PMM2: variants seen among roughly 807,000 people sequenced by gnomAD.
PMM2 encodes the protein mannose-6-phosphate isomerase.
In PMM2, 35 loss-of-function variants were observed where a neutral mutation model predicts 33.2. That is an observed-to-expected ratio of 1.06 (90% confidence interval 0.81 to 1.40). The LOEUF (loss-of-function observed/expected upper bound fraction) is 1.40, where lower values mean the gene tolerates loss of function less well. PMM2 is among the 40% of genes most tolerant of loss of function. The pLI, the probability that PMM2 is intolerant of heterozygous loss-of-function variation, is 0.00. For missense variants in PMM2, 386 were observed against 306.0 expected (o/e 1.26, Z -1.95); for synonymous variants, 153 against 114.7 (o/e 1.33, Z -2.13).
chr16:8,829,917 A>G (rs1395129131), intron 7 of PMM2, among the ~76,000 whole-genome samples: 3 of 152,236 alleles, frequency 2.0e-5, no homozygotes, highest in Admixed American at 6.5e-5. Context: ...CAAGTCCCCT[A>G]TTCTCTGTAC....
intron 7 of PMM2, among the ~76,000 whole-genome samples, chr16:8,815,958 CA>C (rs1044623287): frequency 3.7e-4 from 50 of 136,820 alleles, no homozygotes; most frequent in South Asian, 9.3e-4. Flanking sequence ...AACTCAATGG[CA>C]AAAAAAAAAA....
chr16:8,803,378 A>G (rs1031691881), intron 2 of PMM2, among the ~76,000 whole-genome samples: 1 of 152,146 alleles, frequency 6.6e-6, no homozygotes, highest in Non-Finnish European at 1.5e-5. Flanking sequence ...TTCTGCATCT[A>G]GTTGTGTATT....
At chr16:8,812,267 T>C (rs2060682241) in intron 6 of PMM2, among the ~76,000 whole-genome samples, 1 of 152,256 alleles carries the variant, frequency 6.6e-6, no homozygotes, top group African/African-American at 2.4e-5. Context: ...TTCTGGTGTC[T>C]AATGCAGAGT....
intron 7 of PMM2, among the ~76,000 whole-genome samples, chr16:8,842,761 T>A (rs2141047056): frequency 6.6e-6 from 1 of 152,214 alleles, no homozygotes; most frequent in African/African-American, 2.4e-5. Flanking sequence ...AGTTTATAGG[T>A]TTTAGAAGCC....
At chr16:8,802,126 G>A (rs986077783) in intron 2 of PMM2, 15 of 544,966 alleles carry the variant, frequency 2.8e-5, no homozygotes, top group African/African-American at 2.1e-4. Context: ...TCAGATGTGT[G>A]AGTAGATTCA....
rs936163121 is a variant in PMM2, at chr16:8,837,245, G to A, written c.640-10479G>A. Among the ~76,000 whole-genome samples, 7 of 152,064 alleles carry A rather than the reference G, an allele frequency of 4.6e-5. 1 individual carries two copies. Among genetic ancestry groups the A allele is most frequent in the East Asian group, 3.9e-4 (2 of 5,190 alleles). On this transcript the variant is annotated intron_variant, in intron 7 of 7. Coordinates refer to ENST00000268261, the MANE Select transcript of PMM2 (RefSeq NM_000303.3). Reference sequence around the variant, plus strand: ...GCCTGGACATCAGGCACCTCAGACCGTTTGCCCATTTTACGACAAGAATTA... The same window carrying A: ...GCCTGGACATCAGGCACCTCAGACCATTTGCCCATTTTACGACAAGAATTA...
intron 7 of PMM2, among the ~76,000 whole-genome samples, chr16:8,840,529 C>G (rs1007094351): frequency 6.6e-6 from 1 of 151,764 alleles, no homozygotes; most frequent in African/African-American, 2.4e-5. Context: ...TTCGTAAAGC[C>G]CTGTTGCAAA....
At chr16:8,827,818 A>T (rs1410469872) in intron 7 of PMM2, among the ~76,000 whole-genome samples, 2 of 105,124 alleles carry the variant, frequency 1.9e-5, no homozygotes, top group African/African-American at 7.3e-5. Flanking sequence ...ATATTTATAT[A>T]ATATATATTA....
intron 6 of PMM2, 148 bp from the exon 7 acceptor site, chr16:8,812,843 A>T: frequency 1.5e-6 from 1 of 678,142 alleles, no homozygotes; most frequent in Non-Finnish European, 2.7e-6. Context: ...GAACCTATGC[A>T]TGAAGTAGTC....
At chr16:8,820,184 GA>G (rs2060729811) in intron 7 of PMM2, among the ~76,000 whole-genome samples, 2 of 152,046 alleles carry the variant, frequency 1.3e-5, no homozygotes, top group South Asian at 4.2e-4. Context: ...GCAACAGAGT[GA>G]AATTCTGTCT....
At chr16:8,825,005 G>A (rs1437121636) in intron 7 of PMM2, among the ~76,000 whole-genome samples, 1 of 152,116 alleles carries the variant, frequency 6.6e-6, no homozygotes, top group East Asian at 1.9e-4. Flanking sequence ...TCTCGCATTA[G>A]TGCATCTTTA....
chr16:8,834,834 TGGG>T (rs2060833145), intron 7 of PMM2, among the ~76,000 whole-genome samples: 1 of 151,666 alleles, frequency 6.6e-6, no homozygotes, highest in Admixed American at 6.6e-5. Flanking sequence ...TATGGGGAAA[TGGG>T]GTGAATATCA....
In PMM2 at chr16:8,801,917, G is replaced by C. The variant is rs376829859; in HGVS notation, c.178+7G>C. ...GAGCAACTGGGAAATGATGGTAAAT[G>C]ATGGGTTGCTAATTACATCTGGTAA... On this transcript the variant is annotated splice_region_variant and intron_variant, in intron 2 of 7. Transcript: ENST00000268261. 2 of 1,543,304 alleles carry C rather than the reference G, an allele frequency of 1.3e-6. No homozygotes were observed. The highest frequency in any genetic ancestry group is 2.7e-5 in the African/African-American group (2 of 73,360).
Position 8,848,059 on chromosome 16 carries a change from C to T in PMM2, c.*234C>T, listed in dbSNP as rs868412187. 9.3e-6 allele frequency: 5 copies of T among 537,380 alleles called. No individual in the cohort carries two copies. Among genetic ancestry groups the T allele is most frequent in the South Asian group, 6.0e-5 (3 of 50,096 alleles). The allele number at this position is 537,380 out of a possible 1,614,324, so 33.3% of individuals were successfully genotyped here. A position where few individuals can be genotyped will look rare whatever the true frequency, so the allele number is the denominator to read the frequency against. On this transcript the variant is annotated 3_prime_UTR_variant, in exon 8 of 8. Transcript: ENST00000268261. ...GGAATGCCTCGCACAAAAGGTCTTC[C>T]CCACCCACCCCCAGCCCCCTAGTCT...
chr16:8,840,401 G>A (rs541978673), intron 7 of PMM2, among the ~76,000 whole-genome samples: 77 of 152,048 alleles, frequency 5.1e-4, no homozygotes, highest in African/African-American at 1.5e-3. Flanking sequence ...TAAACCGGCC[G>A]TGTAAACAAG....
At chr16:8,843,643 A>T (rs1160024729) in intron 7 of PMM2, among the ~76,000 whole-genome samples, 2 of 152,150 alleles carry the variant, frequency 1.3e-5, no homozygotes, top group African/African-American at 4.8e-5. Flanking sequence ...GGTTTGTCTC[A>T]CAGTGGAGGC....
chr16:8,801,261 T>C (rs1004785579), intron 1 of PMM2, among the ~76,000 whole-genome samples: 5 of 152,326 alleles, frequency 3.3e-5, no homozygotes, highest in African/African-American at 9.6e-5. Context: ...TACTAACATA[T>C]TACCTGTGTT....
intron 7 of PMM2, 72 bp from the exon 8 acceptor site, chr16:8,847,652 C>G: frequency 1.8e-6 from 2 of 1,137,564 alleles, no homozygotes; most frequent in Non-Finnish European, 1.3e-6. Context: ...TACTTTTGGA[C>G]TCCAGGGTCA....
chr16:8,804,088 G>C (rs1166810466), intron 2 of PMM2, among the ~76,000 whole-genome samples: 4 of 116,318 alleles, frequency 3.4e-5, no homozygotes, highest in African/African-American at 1.0e-4. Context: ...GCCGAGGCTG[G>C]AGTGCAGTGG....
Sources: allele counts gnomAD v4.1 joint callset (sites outside exome capture counted in the v4.1 genomes callset), GRCh38; gene constraint gnomAD v4.1.1; transcripts MANE v1.5; gene names NCBI Gene and HGNC (gene_info 2026-07-23, HGNC 2026-07-21).